LOXHD1: variants seen among roughly 807,000 people sequenced by gnomAD.
LOXHD1 encodes lipoxygenase homology domain-containing protein 1.
LOXHD1 carries 205 observed loss-of-function variants against 248.2 expected under a neutral mutation model. The ratio of observed to expected loss-of-function variants is 0.83; its 90% CI spans 0.74 to 0.93. The LOEUF is 0.93. LOXHD1 is among the 40% of genes least tolerant of loss of function. LOXHD1 has a pLI of 0.00. For synonymous variants in LOXHD1, 1,113 were observed against 1,162.8 expected (o/e 0.96, Z 0.87); for missense variants, 2,930 against 2,971.6 (o/e 0.99, Z 0.33).
chr18:46,499,619 G>C (rs1305954644), intron 37 of LOXHD1, among the ~76,000 whole-genome samples: 1 of 152,180 alleles, frequency 6.6e-6, no homozygotes, highest in East Asian at 1.9e-4. Flanking sequence ...AGAGCAGAGA[G>C]AGTGAGGCTA....
At chr18:46,520,747 G>A (rs1185080327) in intron 33 of LOXHD1, 6 of 264,674 alleles carry the variant, frequency 2.3e-5, no homozygotes, top group Non-Finnish European at 4.4e-5. Context: ...TCTACATAGA[G>A]CTGCTTACTC....
chr18:46,492,787 G>A (rs1217708561), intron 37 of LOXHD1, among the ~76,000 whole-genome samples: 1 of 152,016 alleles, frequency 6.6e-6, no homozygotes, highest in Non-Finnish European at 1.5e-5. Flanking sequence ...TATAAATACG[G>A]ACTCATTCTT....
Position 46,522,250 on chromosome 18 carries a change from G to A in LOXHD1, c.4936C>T (p.Arg1646Ter), listed in dbSNP as rs960741408. 21 of 1,551,714 alleles carry A rather than the reference G, an allele frequency of 1.4e-5. No homozygotes were observed. The highest frequency in any genetic ancestry group is 4.1e-5 in the African/African-American group (3 of 73,034). ...GKHKDAATDS[R>*]AFIFLIGEDD... is the part of the protein sequence containing the mutation. ...TCCCCGATGAGAAAGATGAAGGCTC[G>A]GCTGTCAGTGGCCGCGTCCTTGTGC... The change falls in exon 32 of 41, where the codon CGA becomes TGA. Residue 1646 changes from arginine (R) to a stop codon, truncating the protein, a stop_gained. Coordinates refer to ENST00000642948, the MANE Select transcript of LOXHD1 (RefSeq NM_001384474.1). LOFTEE classifies it high-confidence loss of function.
At chr18:46,569,716 G>A in intron 15 of LOXHD1, 78 bp from the exon 16 acceptor site, 1 of 1,176,512 alleles carries the variant, frequency 8.5e-7, no homozygotes. Context: ...GTGTATAGGA[G>A]GGCAGCCTGG....
chr18:46,577,636 G>A, intron 14 of LOXHD1, 71 bp downstream of exon 14: 1 of 1,494,012 alleles, frequency 6.7e-7, no homozygotes, highest in Non-Finnish European at 9.0e-7. Context: ...TGGTAGTAGG[G>A]CTGGGTCTTC....
Position 46,572,162 on chromosome 18 carries a change from C to G in LOXHD1, c.1971G>C (p.Arg657Ser). Reference protein sequence around the residue: ...ESDNVEFPCLRWLDKDKDDGQ... With the variant: ...ESDNVEFPCLSWLDKDKDDGQ... ...CATCATCCTTATCCTTGTCCAACCA[C>G]CTGGTGGGCAAATGGGGGAATGTTA... The change falls in exon 15 of 41, where the codon AGG (arginine) becomes AGC (serine). Residue 657 changes from arginine (R) to serine (S), a missense_variant and splice_region_variant. Transcript: ENST00000642948. 3.2e-6 allele frequency: 5 copies of G among 1,551,816 alleles called. No homozygotes were observed. Among genetic ancestry groups the G allele is most frequent in the Non-Finnish European group, 3.5e-6 (4 of 1,146,984 alleles).
At chr18:46,487,470 G>T (rs1454538029) in intron 38 of LOXHD1, among the ~76,000 whole-genome samples, 2 of 152,194 alleles carry the variant, frequency 1.3e-5, no homozygotes, top group Non-Finnish European at 1.5e-5. Context: ...AATGCTAGGA[G>T]CATAGTTGGG....
chr18:46,521,003 C>A, intron 33 of LOXHD1, 94 bp downstream of exon 33: 1 of 1,425,888 alleles, frequency 7.0e-7, no homozygotes, highest in Non-Finnish European at 9.5e-7. Context: ...AGTGATGAGT[C>A]TCCTACTTCT....
chr18:46,593,283 T>C (rs1382399478), intron 10 of LOXHD1, among the ~76,000 whole-genome samples: 1 of 152,232 alleles, frequency 6.6e-6, no homozygotes, highest in Non-Finnish European at 1.5e-5. Flanking sequence ...TGACACTAAG[T>C]GTTCTCAGGG....
At chr18:46,545,623 A>ATCTCTTT (rs2036771153) in intron 22 of LOXHD1, among the ~76,000 whole-genome samples, 1 of 86,052 alleles carries the variant, frequency 1.2e-5, no homozygotes, top group Non-Finnish European at 2.4e-5. Context: ...CCTCTTGGCC[A>ATCTCTTT]TTTCTTTTTT....
Position 46,518,174 on chromosome 18 carries a change from A to G in LOXHD1, c.5354T>C (p.Ile1785Thr). ...DSNIFMTLYG[I>T]NGSTEEMQLD... Reference sequence around the variant, plus strand: ...CTGCATCTCCTCTGTGCTCCCGTTGATGCCGTAGAGGGTCATGAAGATGTT... The same window carrying G: ...CTGCATCTCCTCTGTGCTCCCGTTGGTGCCGTAGAGGGTCATGAAGATGTT... The change falls in exon 34 of 41, where the codon ATC (isoleucine) becomes ACC (threonine). Residue 1785 changes from isoleucine to threonine, a missense_variant. Coordinates refer to ENST00000642948, the MANE Select transcript of LOXHD1 (RefSeq NM_001384474.1). The G allele has an allele frequency of 6.4e-7, 1 of 1,551,644 alleles. No individual in the cohort carries two copies. The highest frequency in any genetic ancestry group is 8.7e-7 in the Non-Finnish European group (1 of 1,146,986).
At chr18:46,508,235 G>T (rs891428738) in intron 35 of LOXHD1, among the ~76,000 whole-genome samples, 3 of 152,182 alleles carry the variant, frequency 2.0e-5, no homozygotes, top group Non-Finnish European at 4.4e-5. Context: ...GTAGGGGACT[G>T]CAGGGCTTTG....
intron 16 of LOXHD1, among the ~76,000 whole-genome samples, chr18:46,567,731 C>T (rs567323255): frequency 6.6e-6 from 1 of 152,324 alleles, no homozygotes; most frequent in South Asian, 2.1e-4. Context: ...ATAGCAACCC[C>T]ATTAGTATCT....
chr18:46,507,975 G>A (rs2034691960), intron 35 of LOXHD1, among the ~76,000 whole-genome samples: 1 of 152,196 alleles, frequency 6.6e-6, no homozygotes, highest in Non-Finnish European at 1.5e-5. Flanking sequence ...CTAAAGCTGT[G>A]TCCTCAGAGG....
intron 1 of LOXHD1, among the ~76,000 whole-genome samples, chr18:46,655,379 T>C (rs1027788422): frequency 4.6e-5 from 7 of 152,186 alleles, no homozygotes; most frequent in African/African-American, 1.7e-4. Context: ...ATGGCCACAC[T>C]GAGGCATGCA....
chr18:46,538,832 T>A (rs2036434562), intron 25 of LOXHD1, among the ~76,000 whole-genome samples: 1 of 152,246 alleles, frequency 6.6e-6, no homozygotes, highest in Non-Finnish European at 1.5e-5. Flanking sequence ...GTGAGCATTC[T>A]TTCACTCTTC....
chr18:46,542,078 A>G (rs1369900180), intron 24 of LOXHD1, 138 bp from the exon 25 acceptor site: 1 of 787,198 alleles, frequency 1.3e-6, no homozygotes, highest in Non-Finnish European at 2.0e-6. Flanking sequence ...TGCTTGCAGC[A>G]TTGCTAAAGT....
chr18:46,579,396 G>A (rs2037919303), intron 13 of LOXHD1, among the ~76,000 whole-genome samples: 1 of 152,164 alleles, frequency 6.6e-6, no homozygotes, highest in African/African-American at 2.4e-5. Flanking sequence ...ATGCATATTA[G>A]TGAATCAGGG....
chr18:46,536,344 CG>C (rs971201506), intron 26 of LOXHD1, among the ~76,000 whole-genome samples: 9 of 151,988 alleles, frequency 5.9e-5, no homozygotes, highest in Admixed American at 5.2e-4. Context: ...CCAGGGTTAC[CG>C]ACTCCGCAAT....
Sources: gnomAD v4.1 joint callset for allele counts (sites outside exome capture counted in the v4.1 genomes callset) on GRCh38, gnomAD v4.1.1 for gene constraint, MANE v1.5 for transcripts, NCBI Gene and HGNC (gene_info 2026-07-23, HGNC 2026-07-21) for gene names.